Variants in ROBO2 observed in about 807,000 individuals in gnomAD.
ROBO2 encodes the protein roundabout guidance receptor 2.
Under a neutral mutation model 160.8 loss-of-function variants are expected in ROBO2, and 53 were observed. The ratio of observed to expected loss-of-function variants is 0.33; its 90% CI spans 0.26 to 0.41. ROBO2 has a LOEUF of 0.41. ROBO2 is among the 10% of genes least tolerant of loss of function. The pLI is 1.00. For synonymous variants in ROBO2, 664 were observed against 611.7 expected (o/e 1.09, Z -1.26); for missense variants, 1,577 against 1,722.4 (o/e 0.92, Z 1.49).
intron 2 of ROBO2, among the ~76,000 whole-genome samples, chr3:77,251,174 C>T (rs1386627938): frequency 6.6e-6 from 1 of 152,124 alleles, no homozygotes; most frequent in African/African-American, 2.4e-5. Flanking sequence ...CCCAGGCTGT[C>T]TGATACGTCC....
At chr3:76,752,288 T>C (rs912653718) in intron 2 of ROBO2, among the ~76,000 whole-genome samples, 3 of 113,142 alleles carry the variant, frequency 2.7e-5, no homozygotes, top group South Asian at 6.2e-4. Flanking sequence ...GGGCCTGTAG[T>C]GGGGTGGGGG....
At chr3:77,144,640 T>A (rs2076979352) in intron 2 of ROBO2, among the ~76,000 whole-genome samples, 1 of 152,208 alleles carries the variant, frequency 6.6e-6, no homozygotes, top group South Asian at 2.1e-4. Flanking sequence ...CTACATTAAC[T>A]CACATTGGAA....
intron 2 of ROBO2, among the ~76,000 whole-genome samples, chr3:76,092,571 G>A (rs2069278662): frequency 1.3e-5 from 2 of 152,048 alleles, no homozygotes; most frequent in Admixed American, 6.6e-5. Context: ...CTAGGATCTG[G>A]GTCATTGTTA....
At chr3:76,587,949 T>C (rs973564839) in intron 2 of ROBO2, among the ~76,000 whole-genome samples, 2 of 152,168 alleles carry the variant, frequency 1.3e-5, no homozygotes, top group Non-Finnish European at 2.9e-5. Flanking sequence ...ATTTTTTAGC[T>C]AGCTTTGTTA....
In ROBO2 at chr3:77,491,906, C is replaced by A. The variant is rs539229488; in HGVS notation, c.668-1338C>A. ...ATGCCAATGGTAGTTGGTTTTATTG[C>A]AATAAAATATTTATCTTGCAACTTA... On this transcript the variant is annotated intron_variant, in intron 4 of 25. Transcript: ENST00000461745. Among the ~76,000 whole-genome samples the A allele has an allele frequency of 3.6e-3, 546 of 152,130 alleles. 1 individual carries two copies. Among genetic ancestry groups the A allele is most frequent in the Non-Finnish European group, 6.2e-3 (423 of 67,990 alleles).
At chr3:76,586,646 C>T (rs1178098995) in intron 2 of ROBO2, among the ~76,000 whole-genome samples, 2 of 152,202 alleles carry the variant, frequency 1.3e-5, no homozygotes, top group Non-Finnish European at 2.9e-5. Context: ...TCAATTCAAA[C>T]ACTCAGTGAT....
intron 2 of ROBO2, among the ~76,000 whole-genome samples, chr3:76,577,216 A>G (rs2085365439): frequency 1.3e-5 from 2 of 152,042 alleles, no homozygotes; most frequent in African/African-American, 4.8e-5. Flanking sequence ...AAATGTAAAA[A>G]CTACATATCT....
intron 2 of ROBO2, among the ~76,000 whole-genome samples, chr3:76,019,325 T>C (rs1191229786): frequency 1.3e-5 from 2 of 151,832 alleles, no homozygotes; most frequent in African/African-American, 4.8e-5. Flanking sequence ...AATTGGCTAA[T>C]ACTTGCATTA....
intron 2 of ROBO2, among the ~76,000 whole-genome samples, chr3:76,519,770 T>A (rs141298896): frequency 0.012 from 1,765 of 152,334 alleles, 28 homozygotes; most frequent in African/African-American, 0.039. Context: ...TATATTTCCA[T>A]TTAAGACTCC....
intron 2 of ROBO2, among the ~76,000 whole-genome samples, chr3:76,305,387 CAAAAAAAAAAAAAAAAAAA>C (rs1166858558): frequency 1.2e-3 from 25 of 20,686 alleles, no homozygotes; most frequent in East Asian, 0.011. Flanking sequence ...CAAGATCTGT[CAAAAAAAAAAAAAAAAAAA>C]AAAAAAAAAA....
chr3:76,485,622 G>T (rs1404683858), intron 2 of ROBO2, among the ~76,000 whole-genome samples: 1 of 152,136 alleles, frequency 6.6e-6, no homozygotes, highest in Non-Finnish European at 1.5e-5. Flanking sequence ...AGAAATAGGT[G>T]TCACCTGTTT....
At chr3:77,595,115 T>C in intron 17 of ROBO2, 27 bp from the exon 19 acceptor site, 1 of 1,594,306 alleles carries the variant, frequency 6.3e-7, no homozygotes, top group Non-Finnish European at 8.6e-7. Context: ...TGTGTGTGCA[T>C]GTCTTCCTTT....
Position 76,927,776 on chromosome 3 carries a change from C to T in ROBO2, c.110-170238C>T, listed in dbSNP as rs116132930. ...TTTCTATTTTCTATCTTTGAGTCCTCGATGGCACTATAGTGAGTGCATGGT... is the reference window on the plus strand; with the variant it reads ...TTTCTATTTTCTATCTTTGAGTCCTTGATGGCACTATAGTGAGTGCATGGT... On this transcript the variant is annotated intron_variant, in intron 2 of 26. Coordinates refer to the ROBO2 transcript ENST00000487694. Among the ~76,000 whole-genome samples the T allele has an allele frequency of 5.1e-3, 770 of 152,076 alleles. 3 individuals are homozygous for T. Among genetic ancestry groups the T allele is most frequent in the Middle Eastern group, 0.01 (3 of 294 alleles).
At chr3:76,949,403 T>C (rs2078819508) in intron 2 of ROBO2, among the ~76,000 whole-genome samples, 1 of 152,194 alleles carries the variant, frequency 6.6e-6, no homozygotes, top group Admixed American at 6.6e-5. Flanking sequence ...TTATCCTGAC[T>C]GAAGCAGGAA....
Position 75,996,805 on chromosome 3 carries a change from AATC to A in ROBO2, c.109+59208_109+59210del, listed in dbSNP as rs576980352. ...TAAATCATCAATTCTGATATATGTA[AATC>A]ATCAATTCTGATATTTGTAAATCAT... On this transcript the variant is annotated intron_variant, in intron 2 of 26. Coordinates refer to the ROBO2 transcript ENST00000487694. Among the ~76,000 whole-genome samples, 759 of 149,896 alleles carry A rather than the reference AATC, an allele frequency of 5.1e-3. 9 individuals carry two copies. Among genetic ancestry groups the A allele is most frequent in the African/African-American group, 0.018 (736 of 41,102 alleles).
intron 2 of ROBO2, among the ~76,000 whole-genome samples, chr3:76,630,578 A>G (rs1396422152): frequency 6.6e-6 from 1 of 152,144 alleles, no homozygotes; most frequent in East Asian, 1.9e-4. Context: ...ACATTGTTTC[A>G]TTTAAGGTAG....
At chr3:77,213,443 A>G (rs1285042071) in intron 2 of ROBO2, among the ~76,000 whole-genome samples, 2 of 151,780 alleles carry the variant, frequency 1.3e-5, no homozygotes, top group Non-Finnish European at 2.9e-5. Flanking sequence ...ATCATTTTTT[A>G]TTGCATCTAT....
chr3:77,042,843 G>A (rs891794721), intron 1 of ROBO2, among the ~76,000 whole-genome samples: 1 of 152,116 alleles, frequency 6.6e-6, no homozygotes, highest in Admixed American at 6.6e-5. Context: ...GGCAGTTTGT[G>A]TCTGGGCCAC....
intron 1 of ROBO2, among the ~76,000 whole-genome samples, chr3:75,934,706 AT>A (rs1278639338): frequency 6.6e-6 from 1 of 152,152 alleles, no homozygotes; most frequent in Non-Finnish European, 1.5e-5. Flanking sequence ...TTATAATAAC[AT>A]TTTGAAAACC....
Sources: allele counts gnomAD v4.1 joint callset (sites outside exome capture counted in the v4.1 genomes callset), GRCh38; gene constraint gnomAD v4.1.1; transcripts MANE v1.5; gene names NCBI Gene and HGNC (gene_info 2026-07-23, HGNC 2026-07-21).